The following AXDND1 variants were observed in gnomAD, a reference collection of about 807,000 sequenced individuals.
AXDND1 encodes axonemal dynein light chain domain containing 1.
AXDND1 carries 110 observed loss-of-function variants against 137.5 expected under a neutral mutation model. The observed-to-expected ratio is 0.80, with a 90% CI of 0.69 to 0.94. The LOEUF is 0.94. Ranked by LOEUF, AXDND1 falls within the 40% of genes least tolerant of loss-of-function variation. The probability of loss-of-function intolerance (pLI) is 0.00; values close to 1 mark genes in which losing one functional copy is unlikely to be tolerated. For missense variants in AXDND1, 1,191 were observed against 1,169.8 expected (o/e 1.02, Z -0.26); for synonymous variants, 414 against 399.7 (o/e 1.04, Z -0.43).
intron 23 of AXDND1, among the ~76,000 whole-genome samples, chr1:179,532,126 C>G (rs766757139): frequency 6.6e-6 from 1 of 152,194 alleles, no homozygotes. Context: ...AATGTCATTT[C>G]AGACCACGGT....
At chr1:179,401,784 T>C (rs1652104270) in intron 11 of AXDND1, among the ~76,000 whole-genome samples, 3 of 152,114 alleles carry the variant, frequency 2.0e-5, no homozygotes, top group Non-Finnish European at 4.4e-5. Context: ...TGCCTGCCGC[T>C]ATGTAAGAGG....
chr1:179,378,135 C>T (rs1030366073), intron 4 of AXDND1, among the ~76,000 whole-genome samples: 1 of 152,136 alleles, frequency 6.6e-6, no homozygotes, highest in Admixed American at 6.6e-5. Flanking sequence ...TGCGCCATTG[C>T]ACTCCAGCCT....
At chr1:179,386,891 ATTTTTTTGTATT>A (rs1177219350) in intron 9 of AXDND1, among the ~76,000 whole-genome samples, 3 of 151,400 alleles carry the variant, frequency 2.0e-5, no homozygotes, top group Non-Finnish European at 4.4e-5. Flanking sequence ...CACCCAGCTA[ATTTTTTTGTATT>A]TTTTTTTGTA....
chr1:179,490,815 T>G (rs542514356), intron 18 of AXDND1, among the ~76,000 whole-genome samples: 9 of 151,888 alleles, frequency 5.9e-5, no homozygotes, highest in Non-Finnish European at 1.3e-4. Flanking sequence ...CAAAAAGATA[T>G]GATGTCATCA....
intron 16 of AXDND1, among the ~76,000 whole-genome samples, chr1:179,467,382 C>G (rs1663351091): frequency 6.6e-6 from 1 of 152,016 alleles, no homozygotes; most frequent in South Asian, 2.1e-4. Context: ...TCATCAGATT[C>G]AAGCAACCGT....
intron 11 of AXDND1, among the ~76,000 whole-genome samples, chr1:179,397,241 G>A (rs527324658): frequency 1.3e-5 from 2 of 152,196 alleles, no homozygotes; most frequent in Non-Finnish European, 2.9e-5. Context: ...CTTCACTTAT[G>A]AAGCTTAGTT....
chr1:179,391,981 C>G (rs578216608), intron 9 of AXDND1, among the ~76,000 whole-genome samples: 2 of 152,310 alleles, frequency 1.3e-5, no homozygotes, highest in South Asian at 4.1e-4. Flanking sequence ...CTCTGTGGAA[C>G]TGAGAGTCAA....
intron 12 of AXDND1, among the ~76,000 whole-genome samples, chr1:179,411,872 T>A (rs1213775981): frequency 3.3e-5 from 5 of 151,590 alleles, no homozygotes; most frequent in African/African-American, 1.2e-4. Context: ...AAAAACAGGG[T>A]CTCACTCTGT....
intron 12 of AXDND1, among the ~76,000 whole-genome samples, chr1:179,417,465 A>C (rs1558147294): frequency 1.3e-5 from 2 of 151,950 alleles, no homozygotes; most frequent in South Asian, 2.1e-4. Context: ...TTCTTCAAGG[A>C]GTTGTTTTAG....
In AXDND1 at chr1:179,402,033, G is replaced by T. The variant is rs776196288; in HGVS notation, c.1109+6831G>T. Among the ~76,000 whole-genome samples the T allele has an allele frequency of 8.4e-4, 128 of 152,024 alleles. 1 individual carries two copies. The highest frequency in any genetic ancestry group is 1.2e-3 in the South Asian group (6 of 4,816). ...CTAAAAATACAAAAATTAACTGTGC[G>T]TGGTGGCATGCGCCTGCAGTCCCAG... is the stretch of plus-strand genomic sequence containing the variant. On this transcript the variant is annotated intron_variant, in intron 11 of 25. Coordinates refer to ENST00000367618, the MANE Select transcript of AXDND1 (RefSeq NM_144696.6).
At chr1:179,390,202 C>T (rs1649931286) in intron 9 of AXDND1, among the ~76,000 whole-genome samples, 1 of 152,044 alleles carries the variant, frequency 6.6e-6, no homozygotes, top group Non-Finnish European at 1.5e-5. Context: ...TTAGTAGATA[C>T]AAGGTTTTTC....
At chr1:179,426,316 A>G (rs4651027) in intron 12 of AXDND1, among the ~76,000 whole-genome samples, 44,506 of 152,000 alleles carry the variant, frequency 0.29, 6,691 homozygotes, top group Non-Finnish European at 0.31. Flanking sequence ...GGCACAGACT[A>G]TAAACAGATA....
At chr1:179,497,759 T>C (rs913162117) in intron 20 of AXDND1, among the ~76,000 whole-genome samples, 6 of 152,062 alleles carry the variant, frequency 3.9e-5, no homozygotes, top group Non-Finnish European at 8.8e-5. Context: ...ACCTAGAAAA[T>C]CTTAAAGACT....
At chr1:179,461,771 C>T (rs1662354324) in intron 16 of AXDND1, among the ~76,000 whole-genome samples, 1 of 152,128 alleles carries the variant, frequency 6.6e-6, no homozygotes, top group Admixed American at 6.5e-5. Context: ...CTTCACACCC[C>T]TTGTAAGTTG....
At chr1:179,484,614 C>T (rs1348785641) in intron 18 of AXDND1, among the ~76,000 whole-genome samples, 1 of 152,182 alleles carries the variant, frequency 6.6e-6, no homozygotes, top group Non-Finnish European at 1.5e-5. Context: ...TGAGCACCAG[C>T]CCGCCCATGT....
intron 11 of AXDND1, among the ~76,000 whole-genome samples, chr1:179,402,637 T>C (rs755206704): frequency 1.2e-4 from 19 of 152,172 alleles, no homozygotes; most frequent in African/African-American, 3.4e-4. Context: ...ATCCCATCAG[T>C]ATGCAAATAT....
At chr1:179,374,990 TAAA>T (rs1668441754) in intron 4 of AXDND1, among the ~76,000 whole-genome samples, 1 of 150,950 alleles carries the variant, frequency 6.6e-6, no homozygotes, top group African/African-American at 2.4e-5. Context: ...AAAAAATAAA[TAAA>T]TAAAATAAAT....
At chr1:179,509,093 A>T (rs1032504287) in intron 20 of AXDND1, among the ~76,000 whole-genome samples, 1 of 152,180 alleles carries the variant, frequency 6.6e-6, no homozygotes, top group Admixed American at 6.5e-5. Context: ...TACAACCCAG[A>T]TCCCACACCG....
rs1410592 is a variant in AXDND1, at chr1:179,551,371, G to A, written c.3032-3141G>A. The A allele has an allele frequency of 0.62, 996,826 of 1,613,796 alleles. 308,950 individuals are homozygous for A. Among genetic ancestry groups the A allele is most frequent in the Admixed American group, 0.66 (39,405 of 60,000 alleles). ...GGGTGTGGAGGTATCGAAGCTGAAC[G>A]GCAGCAGGGGTGCCTGACAGAATCT... On this transcript the variant is annotated intron_variant, in intron 25 of 25. Transcript: ENST00000367618.
Sources: gnomAD v4.1 joint callset for allele counts (sites outside exome capture counted in the v4.1 genomes callset) on GRCh38, gnomAD v4.1.1 for gene constraint, MANE v1.5 for transcripts, NCBI Gene and HGNC (gene_info 2026-07-23, HGNC 2026-07-21) for gene names.